Variants in NHSL1 observed in about 807,000 individuals in gnomAD.
NHSL1 encodes the protein NHS like 1, also known as NHS-like protein 1.
Under a neutral mutation model 95.0 loss-of-function variants are expected in NHSL1, and 48 were observed. The observed-to-expected ratio is 0.51, with a 90% confidence interval of 0.40 to 0.64. The LOEUF (loss-of-function observed/expected upper bound fraction) is 0.64, where lower values mean the gene tolerates loss of function less well. Among genes scored for constraint, NHSL1 ranks in the 30% least tolerant of loss-of-function variants. The pLI, the probability that NHSL1 is intolerant of heterozygous loss-of-function variation, is 0.00. For synonymous variants in NHSL1, 783 were observed against 833.9 expected, an observed-to-expected ratio of 0.94 and a Z score of 1.05; for missense variants, 1,971 against 2,077.7, an observed-to-expected ratio of 0.95 and a Z score of 1.00.
At chr6:138,604,755 A>G (rs1451258422) in intron 1 of NHSL1, among the ~76,000 whole-genome samples, 2 of 152,024 alleles carry the variant, frequency 1.3e-5, no homozygotes, top group African/African-American at 4.8e-5. Context: ...CCACCTGAGT[A>G]GCTGGAACTA....
intron 1 of NHSL1, among the ~76,000 whole-genome samples, chr6:138,662,677 A>T (rs889271342): frequency 1.6e-4 from 24 of 152,202 alleles, no homozygotes; most frequent in Non-Finnish European, 2.9e-4. Flanking sequence ...TGGATGCTTG[A>T]GTATTTTGTT....
rs958768393 is a variant in NHSL1 at position 138,424,925 on chromosome 6, T to A, written c.4086-109A>T. Reference sequence around the variant, plus strand: ...CTTCAGGTCACCATCTACTTAAGATTCACTTTCAAAAAATTTATTTTTGAC... The same window carrying A: ...CTTCAGGTCACCATCTACTTAAGATACACTTTCAAAAAATTTATTTTTGAC... On this transcript the variant is annotated intron_variant, in intron 7 of 7. Transcript: ENST00000343505. This position sits in a 1 kb window ranked among gnomAD's most constrained non-coding sequence, Gnocchi z 5.9. The A allele has an allele frequency of 9.5e-6, 9 of 947,734 alleles. No individual in the cohort carries two copies. Among genetic ancestry groups the A allele is most frequent in the East Asian group, 2.6e-5 (1 of 37,832 alleles). The allele number at this position is 947,734 out of a possible 1,614,324, so 58.7% of individuals were successfully genotyped here. A position where few individuals can be genotyped will look rare whatever the true frequency, so the allele number is the denominator to read the frequency against.
At position 138,431,422 on chromosome 6, in the gene NHSL1, G is replaced by A. The variant is rs1455746049; in HGVS notation, c.2923C>T (p.Pro975Ser). The change falls in exon 6 of 8, where the codon CCG becomes TCG. Residue 975 changes from proline to serine, a missense_variant. This residue lies in a region of NHSL1 where 1,602 missense variants were observed against 1,654.5 expected (regional missense o/e 0.97). Transcript: ENST00000343505. The surrounding 1 kb of genome is among the most constrained non-coding windows in gnomAD (Gnocchi z 4.0). The stretch of plus-strand genomic sequence containing the variant: ...CAGAAAGGAATGAGAGCTTCTGGCG[G>A]CGGAGGGGGGAACACAGGAGAGTGA... Reference protein sequence around the residue: ...LPHSPVFPPPPPEALIPFCSP... With the variant: ...LPHSPVFPPPSPEALIPFCSP... 1.3e-6 allele frequency: 2 copies of A among 1,550,706 alleles called. No homozygotes were observed. The highest frequency in any genetic ancestry group is 2.4e-5 in the East Asian group (1 of 40,896).
chr6:138,671,216 G>A (rs1785363792), intron 1 of NHSL1, among the ~76,000 whole-genome samples: 1 of 152,056 alleles, frequency 6.6e-6, no homozygotes, highest in South Asian at 2.1e-4. Flanking sequence ...CAACACTTTG[G>A]GAGGCCGAGG....
chr6:138,565,081 G>A (rs574342804), intron 1 of NHSL1, among the ~76,000 whole-genome samples: 26 of 152,276 alleles, frequency 1.7e-4, no homozygotes, highest in African/African-American at 6.3e-4. Context: ...CTACAGAAAG[G>A]TGATCCAGTT....
At chr6:138,460,622 T>C (rs1440605031) in intron 3 of NHSL1, among the ~76,000 whole-genome samples, 1 of 151,898 alleles carries the variant, frequency 6.6e-6, no homozygotes, top group South Asian at 2.1e-4. Context: ...CATCATCTGA[T>C]ATAAGGGACT....
intron 1 of NHSL1, among the ~76,000 whole-genome samples, chr6:138,595,992 G>A (rs1430606773): frequency 3.3e-5 from 5 of 151,678 alleles, no homozygotes; most frequent in Non-Finnish European, 4.4e-5. Flanking sequence ...CCAACCCCAA[G>A]AGAAAAAAAG....
intron 5 of NHSL1, among the ~76,000 whole-genome samples, chr6:138,437,194 A>C (rs1179957486): frequency 6.6e-6 from 1 of 151,022 alleles, no homozygotes; most frequent in East Asian, 1.9e-4. Context: ...GAATAGCTTG[A>C]ACCCAGGAGG....
At chr6:138,559,455 T>C (rs1783330682) in intron 1 of NHSL1, among the ~76,000 whole-genome samples, 1 of 152,192 alleles carries the variant, frequency 6.6e-6, no homozygotes, top group South Asian at 2.1e-4. Flanking sequence ...AGAGGGGAAC[T>C]CAGAAAAGGA....
intron 3 of NHSL1, among the ~76,000 whole-genome samples, chr6:138,456,445 A>T (rs1777616703): frequency 6.6e-6 from 1 of 152,250 alleles, no homozygotes; most frequent in Admixed American, 6.5e-5. Context: ...ACAGAAGCTG[A>T]CATGCCAGTT....
intron 1 of NHSL1, among the ~76,000 whole-genome samples, chr6:138,596,750 C>T (rs1784307124): frequency 6.6e-6 from 1 of 151,900 alleles, no homozygotes; most frequent in African/African-American, 2.4e-5. Flanking sequence ...CGTTTCTCAC[C>T]CACATTCAAT....
At chr6:138,501,709 G>A (rs1416970632), upstream of NHSL1, among the ~76,000 whole-genome samples, 2 of 152,186 alleles carry the variant, frequency 1.3e-5, no homozygotes, top group Admixed American at 6.5e-5. Flanking sequence ...AATATTAAGT[G>A]TGATATAAAG....
chr6:138,490,569 G>A (rs763124829), intron 2 of NHSL1, among the ~76,000 whole-genome samples: 23 of 152,110 alleles, frequency 1.5e-4, no homozygotes, highest in Non-Finnish European at 2.9e-4. Flanking sequence ...GTCTGCTGTC[G>A]GTAACTGTAG....
At chr6:138,571,680 A>T in intron 1 of NHSL1, 3 of 1,545,604 alleles carry the variant, frequency 1.9e-6, no homozygotes, top group Non-Finnish European at 2.6e-6. Context: ...AACTTTTTCA[A>T]ATGTTTAAAT....
At chr6:138,541,398 A>T (rs1167627626) in intron 1 of NHSL1, among the ~76,000 whole-genome samples, 3 of 152,220 alleles carry the variant, frequency 2.0e-5, no homozygotes, top group Non-Finnish European at 4.4e-5. Flanking sequence ...AACATCATTT[A>T]AAAAATATTA....
At chr6:138,453,721 A>G (rs189305153) in intron 3 of NHSL1, among the ~76,000 whole-genome samples, 1 of 151,292 alleles carries the variant, frequency 6.6e-6, no homozygotes, top group Admixed American at 6.6e-5. Context: ...TAATTTTTGA[A>G]AACTTTCTGT....
chr6:138,492,371 A>G (rs1583296340), intron 2 of NHSL1, among the ~76,000 whole-genome samples: 1 of 152,216 alleles, frequency 6.6e-6, no homozygotes, highest in Non-Finnish European at 1.5e-5. Flanking sequence ...GTAAGCTTGC[A>G]GTAGCAAACC....
intron 1 of NHSL1, among the ~76,000 whole-genome samples, chr6:138,632,875 C>A (rs1039597999): frequency 6.6e-6 from 1 of 152,072 alleles, no homozygotes; most frequent in Non-Finnish European, 1.5e-5. Flanking sequence ...AATAAAGCAC[C>A]AGGGACCAAT....
intron 1 of NHSL1, among the ~76,000 whole-genome samples, chr6:138,558,569 G>A (rs1317394646): frequency 2.0e-5 from 3 of 151,744 alleles, no homozygotes; most frequent in African/African-American, 7.3e-5. Flanking sequence ...GACTACAGGA[G>A]CACACCACCA....
Sources: gnomAD v4.1 joint callset for allele counts (sites outside exome capture counted in the v4.1 genomes callset) on GRCh38, gnomAD v4.1.1 for gene constraint, gnomAD v4.1.1 regional missense constraint, Gnocchi (gnomAD v3.1) non-coding constraint, MANE v1.5 for transcripts, NCBI Gene and HGNC (gene_info 2026-07-23, HGNC 2026-07-21) for gene names.